The following SH2D3C variants were observed in gnomAD, a reference collection of about 807,000 sequenced individuals.
SH2D3C encodes SH2 domain-containing protein 3C.
SH2D3C carries 25 observed loss-of-function variants against 75.2 expected under a neutral mutation model. The ratio of observed to expected loss-of-function variants is 0.33; its 90% CI spans 0.24 to 0.46. The LOEUF is 0.46. Among genes scored for constraint, SH2D3C ranks in the 20% least tolerant of loss-of-function variants. The pLI is 1.00. For synonymous variants in SH2D3C, 450 were observed against 473.7 expected (o/e 0.95, Z 0.65); for missense variants, 933 against 1,165.3 (o/e 0.80, Z 2.90).
intron 3 of SH2D3C, among the ~76,000 whole-genome samples, chr9:127,757,629 T>TGA (rs1845421679): frequency 1.6e-5 from 2 of 124,190 alleles, no homozygotes; most frequent in African/African-American, 6.0e-5. Context: ...ATGATGATGA[T>TGA]GATGATGATG....
At chr9:127,764,123 C>T (rs749234056) in intron 2 of SH2D3C, among the ~76,000 whole-genome samples, 7 of 152,228 alleles carry the variant, frequency 4.6e-5, no homozygotes, top group South Asian at 4.1e-4. Context: ...TACTTCCCCT[C>T]GGGCTCTGGG....
intron 1 of SH2D3C, among the ~76,000 whole-genome samples, chr9:127,777,163 C>T (rs1386093912): frequency 6.6e-6 from 1 of 152,102 alleles, no homozygotes; most frequent in African/African-American, 2.4e-5. Flanking sequence ...CTGGGAAATG[C>T]AGTCACAATC....
chr9:127,750,295 C>G lies in SH2D3C; in HGVS notation c.685-630G>C, dbSNP rs550072808. Among the ~76,000 whole-genome samples the G allele has an allele frequency of 4.9e-4, 74 of 152,220 alleles. 1 individual carries two copies. The highest frequency in any genetic ancestry group is 4.8e-3 in the South Asian group (23 of 4,816). On this transcript the variant is annotated intron_variant, in intron 4 of 11. Transcript: ENST00000314830. ...TCAGCCTCCTGAGTAGCTGGCATTACAGGTGCATGCCACCATGCCTGGCTA... is the reference window on the plus strand; with the variant it reads ...TCAGCCTCCTGAGTAGCTGGCATTAGAGGTGCATGCCACCATGCCTGGCTA...
At chr9:127,765,015 A>G (rs529549705) in intron 2 of SH2D3C, among the ~76,000 whole-genome samples, 2 of 151,630 alleles carry the variant, frequency 1.3e-5, no homozygotes, top group South Asian at 4.2e-4. Context: ...CTGGCCCTTC[A>G]GTTCTTTTTT....
chr9:127,754,946 G>A lies in SH2D3C; in HGVS notation c.556-3646C>T, dbSNP rs1845323969. ...GGTGACCCCGCCCCCTCCCCGGGTC[G>A]GCCGGGCCCAGCCCAGCCCGACCCT... On this transcript the variant is annotated intron_variant, in intron 3 of 11. Coordinates refer to ENST00000314830, the MANE Select transcript of SH2D3C (RefSeq NM_170600.3). The surrounding 1 kb of genome is among the most constrained non-coding windows in gnomAD (Gnocchi z 4.4). 1.9e-6 allele frequency: 1 copy of A among 523,174 alleles called. No homozygotes were observed. The highest frequency in any genetic ancestry group is 3.5e-6 in the Non-Finnish European group (1 of 289,700). The allele number at this position is 523,174 out of a possible 1,614,324, so 32.4% of individuals were successfully genotyped here.
chr9:127,740,825 CAT>C (rs1844833264), intron 9 of SH2D3C, among the ~76,000 whole-genome samples: 1 of 152,108 alleles, frequency 6.6e-6, no homozygotes, highest in Non-Finnish European at 1.5e-5. Context: ...AGACTACAGA[CAT>C]GTGTCACCAC....
At position 127,774,522 on chromosome 9, in the gene SH2D3C, T is replaced by A. The variant is rs1845782750; in HGVS notation, c.38-55A>T. 1.1e-5 allele frequency: 10 copies of A among 920,924 alleles called. 1 individual carries two copies. The South Asian group carries it at 1.4e-4, about 13-fold the overall frequency. The allele number at this position is 920,924 out of a possible 1,614,324, so 57.0% of individuals were successfully genotyped here. ...TTAATGACAATGTCAACATCAGTGA[T>A]AATAATGAACAATTCCTGCAGTTTC... On this transcript the variant is annotated intron_variant, in intron 1 of 11. Transcript: ENST00000314830. The surrounding 1 kb of genome is among the most constrained non-coding windows in gnomAD (Gnocchi z 4.3).
At chr9:127,775,878 G>C (rs1845801391) in intron 1 of SH2D3C, among the ~76,000 whole-genome samples, 1 of 151,622 alleles carries the variant, frequency 6.6e-6, no homozygotes. Context: ...ACCCAGGCTG[G>C]AGTGCAGTGG....
rs780436209 is a variant in SH2D3C at position 127,738,910 on chromosome 9, G to C, written c.2419C>G (p.Arg807Gly). 1.3e-6 allele frequency: 2 copies of C among 1,581,880 alleles called. No individual in the cohort carries two copies. Among genetic ancestry groups the C allele is most frequent in the Admixed American group, 1.8e-5 (1 of 55,180 alleles). ...AEVKLQGFQA[R>G]PELLEVFSTE... ...CTGAACACCTCCAGGAGCTCCGGCC[G>C]GGCCTGGAACCCTGCAGTGTTGGGG... The change falls in exon 12 of 12, where the codon CGG (arginine) becomes GGG (glycine). Residue 807 changes from arginine (R) to glycine (G), a missense_variant. Arg to Gly is a moderately radical substitution (Grantham distance 125, BLOSUM62 -2). Coordinates refer to ENST00000314830, the MANE Select transcript of SH2D3C (RefSeq NM_170600.3). This position sits in a 1 kb window ranked among gnomAD's most constrained non-coding sequence, Gnocchi z 5.0.
chr9:127,768,653 G>A lies in SH2D3C; in HGVS notation c.515+5337C>T, dbSNP rs1845678614. ...CTTTTAACAACATAAGTCACAGTGGGGCCTGCTGCTGCTCAAGGCCAGCAA... is the reference window on the plus strand; with the variant it reads ...CTTTTAACAACATAAGTCACAGTGGAGCCTGCTGCTGCTCAAGGCCAGCAA... On this transcript the variant is annotated intron_variant, in intron 2 of 11. Transcript: ENST00000314830. Among the ~76,000 whole-genome samples the A allele has an allele frequency of 3.9e-5, 6 of 152,290 alleles. 1 individual carries two copies. The South Asian group carries it at 1.2e-3, about 32-fold the overall frequency.
At position 127,757,396 on chromosome 9, in the gene SH2D3C, G is replaced by A. The variant is rs569737241; in HGVS notation, c.555+4215C>T. On this transcript the variant is annotated intron_variant, in intron 3 of 11. Transcript: ENST00000314830. Reference sequence around the variant, plus strand: ...AGCAATTCTCTTGCCTCAGCCTCCCGAGTAGCTGGGACTACAGGTGCACAC... The same window carrying A: ...AGCAATTCTCTTGCCTCAGCCTCCCAAGTAGCTGGGACTACAGGTGCACAC... Among the ~76,000 whole-genome samples the A allele has an allele frequency of 2.0e-5, 3 of 150,500 alleles. 1 individual carries two copies. The highest frequency in any genetic ancestry group is 4.2e-4 in the South Asian group (2 of 4,756).
At chr9:127,742,641 G>C (rs1211977231) in intron 8 of SH2D3C, 2 of 519,540 alleles carry the variant, frequency 3.8e-6, no homozygotes, top group Non-Finnish European at 6.9e-6. Flanking sequence ...AAAGGAAGGC[G>C]AATGCGGAGA....
intron 3 of SH2D3C, among the ~76,000 whole-genome samples, chr9:127,760,765 G>A (rs1295298003): frequency 6.6e-6 from 1 of 152,096 alleles, no homozygotes. Context: ...CTCCTCCAGT[G>A]TCTAGCAGCC....
Position 127,754,695 on chromosome 9 carries a change from G to C in SH2D3C, c.556-3395C>G, listed in dbSNP as rs1845308347. 1 of 346,526 alleles carries C rather than the reference G, an allele frequency of 2.9e-6. No homozygotes were observed. The allele number at this position is 346,526 out of a possible 1,614,324, so 21.5% of individuals were successfully genotyped here. Reference sequence around the variant, plus strand: ...CTTCAGATCCCAGTCCGGCGCCCCCGGTACAATGGGGAGCCAGGGTGCCCA... The same window carrying C: ...CTTCAGATCCCAGTCCGGCGCCCCCCGTACAATGGGGAGCCAGGGTGCCCA... On this transcript the variant is annotated intron_variant, in intron 3 of 11. Transcript: ENST00000314830. This position sits in a 1 kb window ranked among gnomAD's most constrained non-coding sequence, Gnocchi z 4.4.
chr9:127,745,455 CTTTT>C (rs1190107937), intron 6 of SH2D3C, among the ~76,000 whole-genome samples: 23 of 109,554 alleles, frequency 2.1e-4, no homozygotes, highest in Non-Finnish European at 3.2e-4. Context: ...TAATGATTTC[CTTTT>C]TTTTTTTTTT....
At position 127,749,329 on chromosome 9, in the gene SH2D3C, G is replaced by C. The variant is rs146755904; in HGVS notation, c.1021C>G (p.Pro341Ala). 8.7e-6 allele frequency: 14 copies of C among 1,612,712 alleles called. 1 individual carries two copies. In the Middle Eastern group the frequency reaches 1.5e-3, roughly 171 times the overall value. ...CCTGAGGGGCTGACGGGGCTAGCAG[G>C]CTTGCTACTCCCCTGTCCCAGGCCA... The part of the protein sequence containing the change: ...SYGLGQGSSK[P>A]ASPVSPSGPK... Residue 341 changes from proline (P) to alanine (A), a missense_variant, in exon 5 of 12, where the codon CCT (proline) becomes GCT (alanine). Pro to Ala is a conservative substitution (Grantham distance 27, BLOSUM62 -1). Coordinates refer to ENST00000314830, the MANE Select transcript of SH2D3C (RefSeq NM_170600.3). The surrounding 1 kb of genome is among the most constrained non-coding windows in gnomAD (Gnocchi z 5.9).
At chr9:127,741,684 G>C in intron 9 of SH2D3C, 104 bp downstream of exon 9, 1 of 1,392,706 alleles carries the variant, frequency 7.2e-7, no homozygotes, top group Admixed American at 2.6e-5. Flanking sequence ...ATTCTGCCTA[G>C]AAATTCCAAA....
intron 2 of SH2D3C, chr9:127,762,406 C>T: frequency 1.0e-6 from 1 of 993,072 alleles, no homozygotes; most frequent in Non-Finnish European, 1.4e-6. Flanking sequence ...TGGACGCCTC[C>T]CCTTGGATAT....
Position 127,751,737 on chromosome 9 carries a change from A to G in SH2D3C, c.556-437T>C, listed in dbSNP as rs947106413. Among the ~76,000 whole-genome samples the G allele has an allele frequency of 2.0e-5, 3 of 152,326 alleles. No homozygotes were observed. The highest frequency in any genetic ancestry group is 3.9e-4 in the East Asian group (2 of 5,190). On this transcript the variant is annotated intron_variant, in intron 3 of 11. Coordinates refer to ENST00000314830, the MANE Select transcript of SH2D3C (RefSeq NM_170600.3). The surrounding 1 kb of genome is among the most constrained non-coding windows in gnomAD (Gnocchi z 4.1). ...TCCTGGAGGAGATGGCAGTAAGAAA[A>G]CACTCATTATATACCAAGGGCACCA... is the stretch of plus-strand genomic sequence containing the variant.
Sources: allele counts gnomAD v4.1 joint callset (sites outside exome capture counted in the v4.1 genomes callset), GRCh38; gene constraint gnomAD v4.1.1; non-coding constraint Gnocchi (gnomAD v3.1); transcripts MANE v1.5; gene names NCBI Gene and HGNC (gene_info 2026-07-23, HGNC 2026-07-21).